Variants in EBF1 observed in about 807,000 individuals in gnomAD.
EBF1 encodes transcription factor COE1.
Under a neutral mutation model 68.4 loss-of-function variants are expected in EBF1, and 10 were observed. The observed-to-expected ratio is 0.15, with a 90% confidence interval of 0.09 to 0.25. EBF1 has a LOEUF of 0.25. Ranked by LOEUF, EBF1 falls within the 10% of genes least tolerant of loss-of-function variation. EBF1 has a pLI of 1.00. For missense variants in EBF1, 509 were observed against 794.4 expected (o/e 0.64, Z 4.32); for synonymous variants, 298 against 299.8 (o/e 0.99, Z 0.06).
At position 158,938,441 on chromosome 5, in the gene EBF1, C is replaced by T. The variant is rs557507580; in HGVS notation, c.555-98331G>A. ...GAATTGTCCCAGCTGTTCCCTCTGT[C>T]CCAAACACTCTCATGCTCTTCCCAT... On this transcript the variant is annotated intron_variant, in intron 6 of 15. Transcript: ENST00000313708. 9.2e-5 allele frequency among the ~76,000 whole-genome samples: 14 copies of T among 152,358 alleles called. No homozygotes were observed. In the South Asian group the frequency reaches 2.7e-3, roughly 29 times the overall value.
intron 9 of EBF1, among the ~76,000 whole-genome samples, chr5:158,793,590 T>C (rs1779084339): frequency 6.6e-6 from 1 of 152,190 alleles, no homozygotes; most frequent in South Asian, 2.1e-4. Context: ...AAATATGGTA[T>C]AGTTCAAATC....
intron 6 of EBF1, among the ~76,000 whole-genome samples, chr5:158,925,316 C>A (rs1192439594): frequency 1.3e-5 from 2 of 152,176 alleles, no homozygotes; most frequent in African/African-American, 4.8e-5. Context: ...GAATAGGGGC[C>A]TTGTCTGCCT....
In EBF1 at chr5:158,799,428, TA is replaced by T. The variant is rs527428796; in HGVS notation, c.779-2954del. ...GACTCTGTCTCTTAAAATAAATAAA[TA>T]AATTAATTAATTAAATTAAATTAAA... On this transcript the variant is annotated intron_variant, in intron 8 of 15. Coordinates refer to ENST00000313708, the MANE Select transcript of EBF1 (RefSeq NM_024007.5). Among the ~76,000 whole-genome samples the T allele has an allele frequency of 2.7e-3, 288 of 107,866 alleles. 2 individuals carry two copies. Among genetic ancestry groups the T allele is most frequent in the African/African-American group, 8.5e-3 (276 of 32,518 alleles). The allele number at this position is 107,866 out of a possible 152,430, so 70.8% of individuals were successfully genotyped here. A position where few individuals can be genotyped will look rare whatever the true frequency, so the allele number is the denominator to read the frequency against.
At chr5:158,740,876 G>A (rs930403250) in intron 10 of EBF1, among the ~76,000 whole-genome samples, 4 of 152,136 alleles carry the variant, frequency 2.6e-5, no homozygotes, top group Admixed American at 1.3e-4. Context: ...CTACTTCAGA[G>A]CTCCTCAAAC....
intron 8 of EBF1, among the ~76,000 whole-genome samples, chr5:158,799,442 A>T (rs1035010874): frequency 1.1e-4 from 17 of 150,230 alleles, no homozygotes; most frequent in Non-Finnish European, 1.8e-4. Flanking sequence ...TTAATTAATT[A>T]AATTAAATTA....
intron 8 of EBF1, 144 bp from the exon 9 acceptor site, chr5:158,796,619 A>C: frequency 3.0e-6 from 3 of 1,008,158 alleles, no homozygotes; most frequent in Non-Finnish European, 4.1e-6. Context: ...TTTCCCAGCC[A>C]CATTAGGACC....
At chr5:159,026,142 T>C (rs62385405) in intron 6 of EBF1, among the ~76,000 whole-genome samples, 5,350 of 152,274 alleles carry the variant, frequency 0.035, 137 homozygotes, top group Non-Finnish European at 0.051. Context: ...AGCTGGATCT[T>C]ATGGCCCAGT....
At chr5:158,919,833 G>C (rs74363460) in intron 6 of EBF1, among the ~76,000 whole-genome samples, 9,293 of 152,186 alleles carry the variant, frequency 0.061, 321 homozygotes, top group Non-Finnish European at 0.071. Context: ...TTACAGATAG[G>C]AATCTGAAGT....
intron 10 of EBF1, among the ~76,000 whole-genome samples, chr5:158,766,157 G>A (rs1435821233): frequency 6.6e-6 from 1 of 152,146 alleles, no homozygotes; most frequent in Non-Finnish European, 1.5e-5. Flanking sequence ...TCTTTTTAAG[G>A]AGGATTGACC....
intron 6 of EBF1, among the ~76,000 whole-genome samples, chr5:159,033,157 T>C (rs1291662748): frequency 6.6e-6 from 1 of 152,292 alleles, no homozygotes; most frequent in East Asian, 1.9e-4. Context: ...AAGCGGGAAG[T>C]GGGGTGCACC....
chr5:158,763,119 C>A (rs1186774194), intron 10 of EBF1, among the ~76,000 whole-genome samples: 2 of 152,208 alleles, frequency 1.3e-5, no homozygotes, highest in East Asian at 1.9e-4. Flanking sequence ...AGAAGATCAC[C>A]GAATAAAGGC....
intron 10 of EBF1, among the ~76,000 whole-genome samples, chr5:158,764,630 C>A (rs190342910): frequency 6.6e-6 from 1 of 152,278 alleles, no homozygotes; most frequent in Admixed American, 6.5e-5. Context: ...CAGATTGTAT[C>A]AGCTGGTGAT....
At chr5:158,853,267 G>A (rs1167691422) in intron 6 of EBF1, among the ~76,000 whole-genome samples, 2 of 152,222 alleles carry the variant, frequency 1.3e-5, no homozygotes, top group African/African-American at 2.4e-5. Context: ...AGGCACTTGT[G>A]ATTTAGGCCT....
At chr5:158,980,033 G>T (rs968756698) in intron 6 of EBF1, among the ~76,000 whole-genome samples, 1 of 152,062 alleles carries the variant, frequency 6.6e-6, no homozygotes, top group South Asian at 2.1e-4. Context: ...GTATTTTATA[G>T]TCAGAAGGAC....
intron 6 of EBF1, among the ~76,000 whole-genome samples, chr5:158,874,990 GA>G (rs1195843273): frequency 6.6e-6 from 1 of 151,458 alleles, no homozygotes; most frequent in Non-Finnish European, 1.5e-5. Flanking sequence ...AATATTTTAT[GA>G]AGGCTAAAAC....
intron 9 of EBF1, among the ~76,000 whole-genome samples, chr5:158,784,389 G>A (rs1205256059): frequency 2.0e-5 from 3 of 152,126 alleles, no homozygotes; most frequent in Non-Finnish European, 4.4e-5. Context: ...TTGAAAGCAT[G>A]GATTGTATCT....
chr5:158,739,922 G>A (rs757947067), intron 10 of EBF1, among the ~76,000 whole-genome samples: 1 of 152,144 alleles, frequency 6.6e-6, no homozygotes, highest in Non-Finnish European at 1.5e-5. Flanking sequence ...AGCAATTGCC[G>A]GGAATAGGCA....
chr5:158,944,689 T>C (rs1468883939), intron 6 of EBF1, among the ~76,000 whole-genome samples: 1 of 152,188 alleles, frequency 6.6e-6, no homozygotes, highest in Non-Finnish European at 1.5e-5. Flanking sequence ...CCACCAACAG[T>C]GTAAAAGTGT....
chr5:158,946,766 TCTGCTGAAG>T (rs879322361), intron 6 of EBF1, among the ~76,000 whole-genome samples: 2 of 152,176 alleles, frequency 1.3e-5, no homozygotes, highest in Non-Finnish European at 2.9e-5. Flanking sequence ...AGCGTTTAAG[TCTGCTGAAG>T]CTGCACCCAC....
Sources: allele counts gnomAD v4.1 joint callset (sites outside exome capture counted in the v4.1 genomes callset), GRCh38; gene constraint gnomAD v4.1.1; transcripts MANE v1.5; gene names NCBI Gene and HGNC (gene_info 2026-07-23, HGNC 2026-07-21).